Variants in SHANK2 observed in about 807,000 individuals in gnomAD.
SHANK2 encodes the protein SH3 and multiple ankyrin repeat domains protein 2.
A neutral mutation model predicts 133.7 loss-of-function variants in SHANK2; 43 were observed. The observed-to-expected ratio is 0.32, with a 90% CI of 0.25 to 0.41. SHANK2 has a LOEUF of 0.41. Among genes scored for constraint, SHANK2 ranks in the 10% least tolerant of loss-of-function variants. The pLI is 1.00. For missense variants in SHANK2, 1,994 were observed against 2,235.8 expected (o/e 0.89, Z 2.18); for synonymous variants, 1,017 against 952.8 (o/e 1.07, Z -1.24).
intron 5 of SHANK2, 130 bp downstream of exon 5, chr11:71,113,163 G>A: frequency 1.2e-6 from 1 of 850,846 alleles, no homozygotes; most frequent in South Asian, 1.7e-5. Context: ...GTACATCCCA[G>A]CCCAGCCACA....
chr11:70,655,649 T>C (rs1466431416), intron 17 of SHANK2, among the ~76,000 whole-genome samples: 1 of 152,200 alleles, frequency 6.6e-6, no homozygotes, highest in Non-Finnish European at 1.5e-5. Context: ...TTACAGGATA[T>C]TTTAGATCAC....
chr11:70,527,651 C>T (rs1270140315), intron 17 of SHANK2, among the ~76,000 whole-genome samples: 6 of 152,170 alleles, frequency 3.9e-5, no homozygotes, highest in Non-Finnish European at 8.8e-5. Context: ...GAGCAGGGGC[C>T]CTGAGGCCGG....
At position 71,251,779 on chromosome 11, in the gene SHANK2, G is replaced by C. The variant is rs1309369130; in HGVS notation, c.-113+646C>G. Among the ~76,000 whole-genome samples the C allele has an allele frequency of 1.7e-4, 26 of 151,068 alleles. No homozygotes were observed. In the East Asian group the frequency reaches 4.7e-3, roughly 27 times the overall value. On this transcript the variant is annotated intron_variant, in intron 1 of 25. Transcript: ENST00000601538. ...TGGGCGCCCGACCCGCCACCCCCGG[G>C]CCCGCACCAGGCGCGCCGGCCCCGG... is the stretch of plus-strand genomic sequence containing the variant.
chr11:70,494,828 T>C (rs556237932), intron 21 of SHANK2, among the ~76,000 whole-genome samples: 67 of 152,178 alleles, frequency 4.4e-4, no homozygotes, highest in African/African-American at 1.6e-3. Flanking sequence ...CACAGCACTC[T>C]CTCCCTTCAT....
rs369272286 is a variant in SHANK2, at chr11:70,479,120, C to T, written c.4980-5681G>A. Among the ~76,000 whole-genome samples the T allele has an allele frequency of 3.6e-4, 55 of 152,312 alleles. No individual in the cohort carries two copies. The East Asian group carries it at 5.2e-3, about 14-fold the overall frequency. On this transcript the variant is annotated intron_variant, in intron 25 of 25. Transcript: ENST00000601538. This position sits in a 1 kb window ranked among gnomAD's most constrained non-coding sequence, Gnocchi z 4.4. ...GCCCGCAAGTACCAGCCCCGATGGA[C>T]GCACATCCTGACTAGTGCTCCCAGC... is the stretch of plus-strand genomic sequence containing the variant.
intron 15 of SHANK2, among the ~76,000 whole-genome samples, chr11:70,681,787 C>T (rs1555018451): frequency 2.0e-5 from 3 of 152,106 alleles, no homozygotes; most frequent in African/African-American, 7.2e-5. Context: ...ATCCAGGCTC[C>T]ACAGAGAAAC....
At chr11:71,200,197 G>A (rs764056431) in intron 2 of SHANK2, among the ~76,000 whole-genome samples, 6 of 152,100 alleles carry the variant, frequency 3.9e-5, no homozygotes, top group African/African-American at 9.7e-5. Context: ...TGGACAATGC[G>A]GATAAATGGA....
intron 3 of SHANK2, among the ~76,000 whole-genome samples, chr11:71,127,528 C>T (rs1258266576): frequency 6.6e-6 from 1 of 152,240 alleles, no homozygotes; most frequent in Non-Finnish European, 1.5e-5. Context: ...GCAACCACCA[C>T]TCTGATCAGT....
At chr11:70,782,804 G>A (rs1263295777) in intron 14 of SHANK2, among the ~76,000 whole-genome samples, 7 of 152,278 alleles carry the variant, frequency 4.6e-5, no homozygotes, top group South Asian at 4.2e-4. Flanking sequence ...TAAGGGAACC[G>A]CAAATGGCAA....
chr11:70,712,613 G>A (rs1945813182), intron 14 of SHANK2, among the ~76,000 whole-genome samples: 1 of 152,328 alleles, frequency 6.6e-6, no homozygotes, highest in East Asian at 1.9e-4. Context: ...GTTCCAATTC[G>A]GATTCTGCCA....
chr11:70,893,605 G>T (rs1949885962), intron 11 of SHANK2, among the ~76,000 whole-genome samples: 1 of 152,238 alleles, frequency 6.6e-6, no homozygotes, highest in South Asian at 2.1e-4. Flanking sequence ...ATGCCAGTTT[G>T]CTAGTTCATA....
At chr11:71,225,201 A>G (rs1433533998) in intron 1 of SHANK2, among the ~76,000 whole-genome samples, 1 of 152,226 alleles carries the variant, frequency 6.6e-6, no homozygotes, top group Non-Finnish European at 1.5e-5. Flanking sequence ...CTAACAGGGC[A>G]ATATATTTAG....
At chr11:70,953,297 A>T (rs1555087072) in intron 10 of SHANK2, among the ~76,000 whole-genome samples, 2 of 151,746 alleles carry the variant, frequency 1.3e-5, no homozygotes, top group African/African-American at 4.8e-5. Flanking sequence ...AACTGATAGG[A>T]TACATTTACA....
intron 14 of SHANK2, among the ~76,000 whole-genome samples, chr11:70,737,858 C>A (rs1946436950): frequency 6.6e-6 from 1 of 152,228 alleles, no homozygotes; most frequent in East Asian, 1.9e-4. Context: ...AGAGCTGGCA[C>A]TTAAATGAAA....
intron 14 of SHANK2, among the ~76,000 whole-genome samples, chr11:70,717,030 C>T (rs1220834203): frequency 6.6e-6 from 1 of 152,142 alleles, no homozygotes; most frequent in African/African-American, 2.4e-5. Flanking sequence ...TGCAAACGCA[C>T]AGGGTGTTTC....
chr11:70,583,609 T>A lies in SHANK2; in HGVS notation c.2061+76219A>T, dbSNP rs1208157668. ...CCCAGATGGCACGGAAAACATGCAC[T>A]CCGGGTCATCGAATCCCAAATTCAC... On this transcript the variant is annotated intron_variant, in intron 17 of 25. Coordinates refer to ENST00000601538, the MANE Select transcript of SHANK2 (RefSeq NM_012309.5). Among the ~76,000 whole-genome samples the A allele has an allele frequency of 2.6e-5, 4 of 152,146 alleles. No individual in the cohort carries two copies. The East Asian group carries it at 7.7e-4, about 29-fold the overall frequency.
intron 10 of SHANK2, among the ~76,000 whole-genome samples, chr11:70,952,190 C>T (rs572644637): frequency 6.6e-6 from 1 of 152,200 alleles, no homozygotes; most frequent in African/African-American, 2.4e-5. Context: ...CCCTGCTGTG[C>T]CGTCTGGCCA....
Position 70,487,004 on chromosome 11 carries a change from T to G in SHANK2, c.3289A>C (p.Arg1097=). Residue 1097 remains arginine (R), a synonymous_variant, in exon 25 of 26, where the codon AGG becomes CGG. Coordinates refer to ENST00000601538, the MANE Select transcript of SHANK2 (RefSeq NM_012309.5). The surrounding 1 kb of genome is among the most constrained non-coding windows in gnomAD (Gnocchi z 5.8). The part of the protein sequence containing the change: ...RDREKRLEAR[R]NSPAFLSTDL... ...GTGGAGAGGAAGGCCGGGGAGTTCC[T>G]CCTGGCTTCCAGCCGCTTCTCACGG... 1 of 1,610,772 alleles carries G rather than the reference T, an allele frequency of 6.2e-7. No individual in the cohort carries two copies. Among genetic ancestry groups the G allele is most frequent in the Non-Finnish European group, 8.5e-7 (1 of 1,179,736 alleles).
At chr11:71,172,616 A>G (rs1326789752) in intron 2 of SHANK2, among the ~76,000 whole-genome samples, 11 of 151,800 alleles carry the variant, frequency 7.2e-5, no homozygotes, top group Middle Eastern at 3.4e-3. Flanking sequence ...AAAAAAAGAA[A>G]AAAAGAAAAA....
Sources: allele counts gnomAD v4.1 joint callset (sites outside exome capture counted in the v4.1 genomes callset), GRCh38; gene constraint gnomAD v4.1.1; non-coding constraint Gnocchi (gnomAD v3.1); transcripts MANE v1.5; gene names NCBI Gene and HGNC (gene_info 2026-07-23, HGNC 2026-07-21).